Variants in MICU3 observed in about 807,000 individuals in gnomAD.
MICU3 encodes the protein calcium uptake protein 3, mitochondrial.
MICU3 carries 62 observed loss-of-function variants against 66.5 expected under a neutral mutation model. The observed-to-expected ratio is 0.93, with a 90% CI of 0.76 to 1.15. MICU3 has a LOEUF of 1.15. Among genes scored for constraint, MICU3 ranks in the 50% most tolerant of loss-of-function variants. MICU3 has a pLI of 0.00. For synonymous variants in MICU3, 308 were observed against 240.7 expected (o/e 1.28, Z -2.59); for missense variants, 779 against 664.4 (o/e 1.17, Z -1.90).
chr8:17,115,790 TGCAGAG>T (rs1483129846), intron 12 of MICU3, among the ~76,000 whole-genome samples: 2 of 152,156 alleles, frequency 1.3e-5, no homozygotes, highest in Non-Finnish European at 2.9e-5. Flanking sequence ...AAAGTCCCTG[TGCAGAG>T]TTTCTTGAGA....
chr8:17,126,595 G>A (rs755391498), downstream of MICU3, among the ~76,000 whole-genome samples: 1 of 152,272 alleles, frequency 6.6e-6, no homozygotes. Context: ...AACTATTAGA[G>A]TATTGTTAGC....
intron 11 of MICU3, 41 bp from the exon 12 acceptor site, chr8:17,114,052 T>C (rs1802462325): frequency 8.8e-7 from 1 of 1,131,214 alleles, no homozygotes; most frequent in Non-Finnish European, 1.2e-6. Context: ...TTAATAAATT[T>C]GGCAATACTA....
rs1198854921 is a variant in MICU3 at position 17,122,017 on chromosome 8, C to T, written c.*1730C>T. ...CTTTAATCCTTGACTATAAGTTATACTATGTTGCGTACATGGCAAATCCTG... is the reference window on the plus strand; with the variant it reads ...CTTTAATCCTTGACTATAAGTTATATTATGTTGCGTACATGGCAAATCCTG... On this transcript the variant is annotated 3_prime_UTR_variant, in exon 15 of 15. Coordinates refer to ENST00000318063, the MANE Select transcript of MICU3 (RefSeq NM_181723.3). 1 of 151,770 alleles carries T rather than the reference C, an allele frequency of 6.6e-6. No homozygotes were observed. Among genetic ancestry groups the T allele is most frequent in the Non-Finnish European group, 1.5e-5 (1 of 67,738 alleles). The allele number at this position is 151,770 out of a possible 1,614,324, so 9.4% of individuals were successfully genotyped here. A position where few individuals can be genotyped will look rare whatever the true frequency, so the allele number is the denominator to read the frequency against.
At chr8:17,133,380 G>A in the MICU3 span, among the ~76,000 whole-genome samples, 1 of 151,970 alleles carries the variant, frequency 6.6e-6, no homozygotes, top group African/African-American at 2.4e-5. Context: ...TCTGTCTTTT[G>A]CCACATATAT....
intron 9 of MICU3, among the ~76,000 whole-genome samples, chr8:17,100,516 C>A (rs915573842): frequency 6.6e-6 from 1 of 151,438 alleles, no homozygotes; most frequent in African/African-American, 2.4e-5. Flanking sequence ...TGAATACCAG[C>A]GGAACACAGA....
At chr8:17,074,055 GT>G (rs60252796) in intron 3 of MICU3, among the ~76,000 whole-genome samples, 36 of 146,946 alleles carry the variant, frequency 2.4e-4, no homozygotes, top group East Asian at 4.0e-4. Context: ...TTTCTTTTTG[GT>G]TTTTTTTTTT....
chr8:17,045,446 G>A (rs1173893309), intron 1 of MICU3, among the ~76,000 whole-genome samples: 1 of 152,132 alleles, frequency 6.6e-6, no homozygotes, highest in Non-Finnish European at 1.5e-5. Context: ...TTTTTATCCA[G>A]TCACATTTCA....
At chr8:17,127,002 T>G (rs984042240), downstream of MICU3, among the ~76,000 whole-genome samples, 6 of 152,142 alleles carry the variant, frequency 3.9e-5, no homozygotes, top group African/African-American at 1.4e-4. Context: ...TTCCTATATG[T>G]GTATTATTTA....
intron 1 of MICU3, among the ~76,000 whole-genome samples, chr8:17,053,477 G>C (rs1816431651): frequency 6.6e-6 from 1 of 152,170 alleles, no homozygotes; most frequent in African/African-American, 2.4e-5. Context: ...GAAGGCCCTA[G>C]CCTCACTACC....
intron 3 of MICU3, among the ~76,000 whole-genome samples, chr8:17,077,425 C>T (rs1350855986): frequency 6.6e-6 from 1 of 152,104 alleles, no homozygotes; most frequent in Non-Finnish European, 1.5e-5. Context: ...TATGGAAATC[C>T]ATGTTTTTCC....
Position 17,027,676 on chromosome 8 carries a change from C to G in MICU3, c.381+16C>G, listed in dbSNP as rs997511558. On this transcript the variant is annotated intron_variant, in intron 1 of 14. Transcript: ENST00000318063. ...CAAGGAGACGGTGAGTGCGCGAGCG[C>G]GCGTCACACCTGCGCGGGGGATGTG... 9 of 1,277,648 alleles carry G rather than the reference C, an allele frequency of 7.0e-6. No homozygotes were observed. In the East Asian group the frequency reaches 9.4e-5, roughly 13 times the overall value. The allele number at this position is 1,277,648 out of a possible 1,614,324, so 79.1% of individuals were successfully genotyped here.
At chr8:17,084,012 G>A (rs1821579571) in intron 5 of MICU3, among the ~76,000 whole-genome samples, 1 of 152,068 alleles carries the variant, frequency 6.6e-6, no homozygotes, top group Admixed American at 6.6e-5. Flanking sequence ...TGGGTGCTGT[G>A]AAGCTTCCTT....
At chr8:17,049,067 T>C (rs1291414033) in intron 1 of MICU3, among the ~76,000 whole-genome samples, 1 of 152,240 alleles carries the variant, frequency 6.6e-6, no homozygotes, top group Non-Finnish European at 1.5e-5. Context: ...CCGTTTTCTC[T>C]TCTTTCATAA....
chr8:17,071,512 C>G (rs1242126121), intron 3 of MICU3, among the ~76,000 whole-genome samples: 1 of 151,874 alleles, frequency 6.6e-6, no homozygotes, highest in African/African-American at 2.4e-5. Flanking sequence ...GTCCTCTCTG[C>G]AAAACAGTCA....
At chr8:17,068,015 A>G (rs952323657) in intron 2 of MICU3, among the ~76,000 whole-genome samples, 1 of 152,126 alleles carries the variant, frequency 6.6e-6, no homozygotes, top group Non-Finnish European at 1.5e-5. Context: ...ATCAGTAATT[A>G]TTTTCCAACA....
chr8:17,050,453 G>T (rs1585231418), intron 1 of MICU3, among the ~76,000 whole-genome samples: 1 of 151,440 alleles, frequency 6.6e-6, no homozygotes, highest in Non-Finnish European at 1.5e-5. Context: ...CATTTTTATT[G>T]ATATTTTTGT....
rs750233627 is a variant in MICU3 at position 17,064,154 on chromosome 8, T to C, written c.452T>C (p.Leu151Ser). The change falls in exon 2 of 15, where the codon TTA (leucine) becomes TCA (serine). Residue 151 changes from leucine (L) to serine (S), a missense_variant. Transcript: ENST00000318063. ...ACATCTCGGGAGAGGCGATTTCGTT[T>C]ATTTGCTTCTATAGAATGTGAAGGG... is the stretch of plus-strand genomic sequence containing the variant. Reference protein sequence around the residue: ...YATSRERRFRLFASIECEGQL... With the variant: ...YATSRERRFRSFASIECEGQL... 5.0e-6 allele frequency: 8 copies of C among 1,613,412 alleles called. No individual in the cohort carries two copies. In the East Asian group the frequency reaches 1.8e-4, roughly 36 times the overall value.
chr8:17,103,475 C>G (rs550604817), intron 9 of MICU3, among the ~76,000 whole-genome samples: 11 of 151,818 alleles, frequency 7.2e-5, no homozygotes, highest in African/African-American at 2.7e-4. Flanking sequence ...TATTTAAACT[C>G]TTTTTTCACA....
intron 11 of MICU3, among the ~76,000 whole-genome samples, chr8:17,107,190 A>G (rs1027476745): frequency 4.6e-5 from 7 of 152,178 alleles, no homozygotes; most frequent in African/African-American, 1.7e-4. Context: ...ACTTTCAGAT[A>G]CTGATAAATG....
Sources: allele counts gnomAD v4.1 joint callset (sites outside exome capture counted in the v4.1 genomes callset), GRCh38; gene constraint gnomAD v4.1.1; transcripts MANE v1.5; gene names NCBI Gene and HGNC (gene_info 2026-07-23, HGNC 2026-07-21).